The following ZDHHC18 variants were observed in gnomAD, a reference collection of about 807,000 sequenced individuals.
ZDHHC18 encodes zDHHC palmitoyltransferase 18.
Under a neutral mutation model 37.5 loss-of-function variants are expected in ZDHHC18, and 23 were observed. The ratio of observed to expected loss-of-function variants is 0.61; its 90% CI spans 0.44 to 0.87. The LOEUF (loss-of-function observed/expected upper bound fraction) is 0.87. ZDHHC18 is among the 40% of genes least tolerant of loss of function. The pLI, the probability that ZDHHC18 is intolerant of heterozygous loss-of-function variation, is 0.00. For missense variants in ZDHHC18, 406 were observed against 525.6 expected (o/e 0.77, Z 2.22); for synonymous variants, 185 against 218.7 (o/e 0.85, Z 1.36).
At chr1:26,827,542 G>C (rs1337596582) in intron 1 of ZDHHC18, among the ~76,000 whole-genome samples, 1 of 151,662 alleles carries the variant, frequency 6.6e-6, no homozygotes, top group Non-Finnish European at 1.5e-5. Context: ...CCCATCCCTG[G>C]ACCATCTCTT....
Position 26,848,663 on chromosome 1 carries a change from C to G in ZDHHC18, c.552C>G (p.Ile184Met), listed in dbSNP as rs752730592. 2 of 1,614,156 alleles carry G rather than the reference C, an allele frequency of 1.2e-6. No homozygotes were observed. The highest frequency in any genetic ancestry group is 8.5e-7 in the Non-Finnish European group (1 of 1,179,992). Residue 184 changes from isoleucine (I) to methionine (M), a missense_variant, in exon 3 of 8, where the codon ATC becomes ATG. Ile to Met is a conservative substitution (Grantham distance 10). Coordinates refer to ENST00000374142, the MANE Select transcript of ZDHHC18 (RefSeq NM_032283.3). ...RPPPRTREVL[I>M]NGQMVKLKYC... Reference sequence around the variant, plus strand: ...CCCCTCGGACCCGGGAGGTGCTGATCAACGGGCAGATGGTGAAGCTGAAGT... The same window carrying G: ...CCCCTCGGACCCGGGAGGTGCTGATGAACGGGCAGATGGTGAAGCTGAAGT...
At chr1:26,851,482 C>T (rs1357187737) in intron 6 of ZDHHC18, among the ~76,000 whole-genome samples, 2 of 152,224 alleles carry the variant, frequency 1.3e-5, no homozygotes, top group Non-Finnish European at 2.9e-5. Context: ...CTCCACAGCC[C>T]TGCAGGAGGC....
At chr1:26,842,475 G>A (rs549406699) in intron 2 of ZDHHC18, among the ~76,000 whole-genome samples, 10 of 152,190 alleles carry the variant, frequency 6.6e-5, no homozygotes, top group Non-Finnish European at 1.5e-4. Flanking sequence ...ACCCAGCTGG[G>A]CAGAAGTGGA....
At chr1:26,830,359 T>A (rs2081582927) in intron 1 of ZDHHC18, among the ~76,000 whole-genome samples, 1 of 152,192 alleles carries the variant, frequency 6.6e-6, no homozygotes, top group South Asian at 2.1e-4. Flanking sequence ...CTCTCTGAGC[T>A]CTAGTTTCTT....
At chr1:26,843,938 C>G (rs1270668671) in intron 2 of ZDHHC18, among the ~76,000 whole-genome samples, 1 of 152,204 alleles carries the variant, frequency 6.6e-6, no homozygotes, top group Non-Finnish European at 1.5e-5. Flanking sequence ...CACTGTCACT[C>G]TCCAAGGGTT....
chr1:26,849,799 G>A (rs2081692667), intron 3 of ZDHHC18, among the ~76,000 whole-genome samples: 1 of 152,348 alleles, frequency 6.6e-6, no homozygotes, highest in Admixed American at 6.5e-5. Context: ...GGTTGGGATG[G>A]TAGACCAGGT....
In ZDHHC18 at chr1:26,848,291, C is replaced by T. The variant is rs531726661; in HGVS notation, c.497-317C>T. Among the ~76,000 whole-genome samples the T allele has an allele frequency of 2.6e-5, 4 of 151,324 alleles. No individual in the cohort carries two copies. In the East Asian group the frequency reaches 7.8e-4, roughly 29 times the overall value. ...TCACGCCACTGTACTCCAGCCTGGG[C>T]GACAGAGTGAGACTCTGCCTCAGGA... is the stretch of plus-strand genomic sequence containing the variant. On this transcript the variant is annotated intron_variant, in intron 2 of 7. Transcript: ENST00000374142.
In ZDHHC18 at chr1:26,848,876, A is replaced by G. The variant is rs907447466; in HGVS notation, c.646+119A>G. The G allele has an allele frequency of 3.3e-4, 467 of 1,414,430 alleles. 4 individuals are homozygous for G. Among genetic ancestry groups the G allele is most frequent in the Admixed American group, 1.9e-4 (9 of 48,262 alleles). The allele number at this position is 1,414,430 out of a possible 1,614,324, so 87.6% of individuals were successfully genotyped here. A position where few individuals can be genotyped will look rare whatever the true frequency, so the allele number is the denominator to read the frequency against. ...GGGTCTGAAATACCCAGGGCTGGGC[A>G]GGGGGTCTGGTTCACCCAGATTTGC... On this transcript the variant is annotated intron_variant, in intron 3 of 7. Transcript: ENST00000374142.
intron 2 of ZDHHC18, among the ~76,000 whole-genome samples, chr1:26,834,266 C>T (rs1318057910): frequency 6.6e-6 from 1 of 152,182 alleles, no homozygotes; most frequent in African/African-American, 2.4e-5. Context: ...AGAGCTTGGC[C>T]GTGTGCTGAG....
chr1:26,850,286 C>G lies in ZDHHC18; in HGVS notation c.647-15C>G, dbSNP rs375267604. ...GCCAGCCCACACTAACCCATCGCCC[C>G]TTGCCCTTGTCCAGAACGATTTGAC... On this transcript the variant is annotated splice_polypyrimidine_tract_variant and intron_variant, in intron 3 of 7. Coordinates refer to ENST00000374142, the MANE Select transcript of ZDHHC18 (RefSeq NM_032283.3). The surrounding 1 kb of genome is among the most constrained non-coding windows in gnomAD (Gnocchi z 6.1). 1 of 1,613,612 alleles carries G rather than the reference C, an allele frequency of 6.2e-7. No individual in the cohort carries two copies. Among genetic ancestry groups the G allele is most frequent in the African/African-American group, 1.3e-5 (1 of 74,940 alleles).
chr1:26,851,403 T>C (rs994238861), intron 6 of ZDHHC18, among the ~76,000 whole-genome samples, 172 bp downstream of exon 6: 1 of 152,196 alleles, frequency 6.6e-6, no homozygotes, highest in Non-Finnish European at 1.5e-5. Flanking sequence ...GTGGGTCCGA[T>C]GCAGGCTTCT....
chr1:26,840,404 C>T (rs1245426341), intron 2 of ZDHHC18, among the ~76,000 whole-genome samples: 1 of 152,212 alleles, frequency 6.6e-6, no homozygotes, highest in East Asian at 1.9e-4. Context: ...CTCACCTAAT[C>T]CTTCCAGCAG....
intron 1 of ZDHHC18, among the ~76,000 whole-genome samples, chr1:26,830,663 C>T (rs2081584809): frequency 6.6e-6 from 1 of 152,204 alleles, no homozygotes; most frequent in African/African-American, 2.4e-5. Context: ...CAGTTATTTA[C>T]CGGGTACGTC....
intron 6 of ZDHHC18, 128 bp from the exon 7 acceptor site, chr1:26,852,625 A>G (rs909385555): frequency 9.7e-6 from 7 of 724,652 alleles, no homozygotes; most frequent in African/African-American, 1.8e-5. Context: ...GCCCACATGA[A>G]AGACATGTCG....
chr1:26,847,389 T>G (rs942019479), intron 2 of ZDHHC18, among the ~76,000 whole-genome samples: 1 of 152,012 alleles, frequency 6.6e-6, no homozygotes, highest in Non-Finnish European at 1.5e-5. Flanking sequence ...TTTTTGTCAT[T>G]TTTTATAGAG....
At chr1:26,846,256 ATCTC>A in intron 2 of ZDHHC18, among the ~76,000 whole-genome samples, 2 of 131,498 alleles carry the variant, frequency 1.5e-5, no homozygotes, top group East Asian at 2.2e-4. Context: ...ATAGATATAT[ATCTC>A]TATAGAGATA....
intron 2 of ZDHHC18, among the ~76,000 whole-genome samples, chr1:26,844,775 T>G (rs1007342501): frequency 6.6e-6 from 1 of 152,348 alleles, no homozygotes; most frequent in African/African-American, 2.4e-5. Flanking sequence ...CCTCGCTGAC[T>G]AATGAATATA....
chr1:26,837,455 TG>T (rs2081618094), intron 2 of ZDHHC18, among the ~76,000 whole-genome samples: 1 of 146,454 alleles, frequency 6.8e-6, no homozygotes, highest in African/African-American at 2.5e-5. Context: ...TAATATATTA[TG>T]TATATTATTT....
chr1:26,848,345 T>C (rs868105438), intron 2 of ZDHHC18, among the ~76,000 whole-genome samples: 1 of 151,638 alleles, frequency 6.6e-6, no homozygotes, highest in Non-Finnish European at 1.5e-5. Context: ...CTAAGCTTTC[T>C]GGGAGTCTCC....
Sources: allele counts gnomAD v4.1 joint callset (sites outside exome capture counted in the v4.1 genomes callset), GRCh38; gene constraint gnomAD v4.1.1; non-coding constraint Gnocchi (gnomAD v3.1); transcripts MANE v1.5; gene names NCBI Gene and HGNC (gene_info 2026-07-23, HGNC 2026-07-21).